SNTB1: variants seen among roughly 807,000 people sequenced by gnomAD.
SNTB1 encodes beta-1-syntrophin.
In SNTB1, 36 loss-of-function variants were observed where a neutral mutation model predicts 48.9. That is an observed-to-expected ratio of 0.74 (90% CI 0.56 to 0.97). The LOEUF (loss-of-function observed/expected upper bound fraction) is 0.97, where lower values mean the gene tolerates loss of function less well. Among genes scored for constraint, SNTB1 ranks in the 50% least tolerant of loss-of-function variants. The pLI is 0.00. For missense variants in SNTB1, 786 were observed against 703.4 expected (o/e 1.12, Z -1.33); for synonymous variants, 299 against 294.6 (o/e 1.01, Z -0.15).
At chr8:120,540,210 T>C (rs531698575) in intron 6 of SNTB1, among the ~76,000 whole-genome samples, 1 of 152,286 alleles carries the variant, frequency 6.6e-6, no homozygotes, top group East Asian at 1.9e-4. Flanking sequence ...CCTCAGTTTA[T>C]TGCATTTCCT....
At chr8:120,639,782 C>T (rs371605101) in intron 2 of SNTB1, among the ~76,000 whole-genome samples, 1 of 152,168 alleles carries the variant, frequency 6.6e-6, no homozygotes, top group East Asian at 1.9e-4. Context: ...GTTACTATAG[C>T]CTTGTAGTAC....
At chr8:120,631,353 T>G (rs114488120) in intron 3 of SNTB1, among the ~76,000 whole-genome samples, 3 of 152,266 alleles carry the variant, frequency 2.0e-5, no homozygotes, top group African/African-American at 7.2e-5. Flanking sequence ...CTTTGAGAGA[T>G]AGGACAATAC....
chr8:120,662,253 AAAG>A (rs1371334598), intron 2 of SNTB1, among the ~76,000 whole-genome samples: 3 of 152,224 alleles, frequency 2.0e-5, no homozygotes, highest in Non-Finnish European at 4.4e-5. Flanking sequence ...GCAATTCTGC[AAAG>A]AAGGACAAAA....
chr8:120,682,269 AT>A (rs375777532), intron 2 of SNTB1, among the ~76,000 whole-genome samples: 11 of 152,318 alleles, frequency 7.2e-5, no homozygotes, highest in African/African-American at 2.6e-4. Flanking sequence ...TTTTAGATCT[AT>A]TTGAGTTTTA....
chr8:120,767,980 T>C (rs1020744084), intron 1 of SNTB1, among the ~76,000 whole-genome samples: 97 of 152,212 alleles, frequency 6.4e-4, no homozygotes, highest in African/African-American at 2.3e-3. Flanking sequence ...CCAGGGAAGA[T>C]AGTCACAACC....
chr8:120,720,596 T>C (rs1818643286), intron 1 of SNTB1, among the ~76,000 whole-genome samples: 1 of 152,230 alleles, frequency 6.6e-6, no homozygotes, highest in Non-Finnish European at 1.5e-5. Context: ...TACTGACTTA[T>C]GGCGAGAAGT....
chr8:120,621,000 C>T (rs562097242), intron 3 of SNTB1, among the ~76,000 whole-genome samples: 3 of 151,928 alleles, frequency 2.0e-5, no homozygotes, highest in Admixed American at 2.0e-4. Context: ...CTCTACCTCC[C>T]CCAGGCTGGA....
chr8:120,600,227 C>A (rs1416636146), intron 3 of SNTB1, among the ~76,000 whole-genome samples: 2 of 152,228 alleles, frequency 1.3e-5, no homozygotes, highest in Admixed American at 1.3e-4. Context: ...GGTTTGAAGA[C>A]ATTCTGCACC....
chr8:120,802,792 G>A (rs940663630), intron 1 of SNTB1, among the ~76,000 whole-genome samples: 11 of 151,922 alleles, frequency 7.2e-5, no homozygotes, highest in East Asian at 5.8e-4. Context: ...ACCAAATTCC[G>A]GGCAATGAGT....
chr8:120,699,534 AG>A (rs1443970635), intron 1 of SNTB1, among the ~76,000 whole-genome samples: 1 of 152,076 alleles, frequency 6.6e-6, no homozygotes, highest in Non-Finnish European at 1.5e-5. Context: ...CATGAGTAAA[AG>A]CTCCCTGGGG....
At chr8:120,552,969 G>T (rs1267994193) in intron 4 of SNTB1, among the ~76,000 whole-genome samples, 2 of 152,070 alleles carry the variant, frequency 1.3e-5, no homozygotes, top group African/African-American at 4.8e-5. Flanking sequence ...TAGAACTCTT[G>T]CGAGAATCTA....
At chr8:120,722,104 TATATGTGCCAC>T (rs1818670892) in intron 1 of SNTB1, among the ~76,000 whole-genome samples, 2 of 152,348 alleles carry the variant, frequency 1.3e-5, no homozygotes, top group South Asian at 4.1e-4. Flanking sequence ...TTCCATGGTG[TATATGTGCCAC>T]ATTTTCTTAA....
In SNTB1 at chr8:120,650,196, G is replaced by A. The variant is rs192997511; in HGVS notation, c.789-17545C>T. On this transcript the variant is annotated intron_variant, in intron 2 of 6. Transcript: ENST00000517992. ...TTCGGCCATCTTGGCTCTGGTTCCCGGAAATCATCCTTTTTAACTAAGCTT... is the reference window on the plus strand; with the variant it reads ...TTCGGCCATCTTGGCTCTGGTTCCCAGAAATCATCCTTTTTAACTAAGCTT... Among the ~76,000 whole-genome samples, 1,236 of 152,048 alleles carry A rather than the reference G, an allele frequency of 8.1e-3. 18 individuals carry two copies. Among genetic ancestry groups the A allele is most frequent in the African/African-American group, 0.028 (1,160 of 41,514 alleles).
At chr8:120,731,586 C>A (rs139693356) in intron 1 of SNTB1, among the ~76,000 whole-genome samples, 1 of 152,294 alleles carries the variant, frequency 6.6e-6, no homozygotes, top group East Asian at 1.9e-4. Flanking sequence ...CCCTGCCTTG[C>A]CCAGAGTCAT....
At chr8:120,696,798 G>T (rs982293421) in intron 1 of SNTB1, among the ~76,000 whole-genome samples, 2 of 152,298 alleles carry the variant, frequency 1.3e-5, no homozygotes, top group African/African-American at 4.8e-5. Context: ...CTAGTAAGTG[G>T]TGTAGCTAGA....
intron 4 of SNTB1, chr8:120,571,455 A>G: frequency 2.5e-6 from 1 of 406,128 alleles, no homozygotes; most frequent in South Asian, 1.9e-5. Context: ...GCAGTTAAGG[A>G]TGTTTACATT....
intron 6 of SNTB1, among the ~76,000 whole-genome samples, chr8:120,540,669 A>G (rs914103308): frequency 4.6e-5 from 7 of 152,222 alleles, no homozygotes; most frequent in Admixed American, 3.9e-4. Flanking sequence ...TGAAACATAC[A>G]AACAAAATTT....
chr8:120,777,455 G>A (rs182484578), intron 1 of SNTB1, among the ~76,000 whole-genome samples: 29 of 152,214 alleles, frequency 1.9e-4, no homozygotes, highest in African/African-American at 2.7e-4. Flanking sequence ...AAAATCAGCC[G>A]CTAGATTTTG....
At chr8:120,603,827 T>C (rs1288536120) in intron 3 of SNTB1, among the ~76,000 whole-genome samples, 1 of 152,168 alleles carries the variant, frequency 6.6e-6, no homozygotes, top group Non-Finnish European at 1.5e-5. Context: ...CACTAATCAA[T>C]CTTGGGAGGA....
Sources: gnomAD v4.1 joint callset for allele counts (sites outside exome capture counted in the v4.1 genomes callset) on GRCh38, gnomAD v4.1.1 for gene constraint, MANE v1.5 for transcripts, NCBI Gene and HGNC (gene_info 2026-07-23, HGNC 2026-07-21) for gene names.